The following RPS6KC1 variants were observed in gnomAD, a reference collection of about 807,000 sequenced individuals.
RPS6KC1 encodes the protein inactive ribosomal protein S6 kinase delta-1.
RPS6KC1 carries 54 observed loss-of-function variants against 103.8 expected under a neutral mutation model. That is an observed-to-expected ratio of 0.52 (90% CI 0.42 to 0.65). The LOEUF (loss-of-function observed/expected upper bound fraction) is 0.65. Among genes scored for constraint, RPS6KC1 ranks in the 30% least tolerant of loss-of-function variants. The pLI is 0.00. For missense variants in RPS6KC1, 1,151 were observed against 1,253.8 expected (o/e 0.92, Z 1.24); for synonymous variants, 439 against 438.7 (o/e 1.00, Z -0.01).
chr1:213,440,004 A>G, the RPS6KC1 span, among the ~76,000 whole-genome samples: 1 of 152,220 alleles, frequency 6.6e-6, no homozygotes, highest in Non-Finnish European at 1.5e-5. Flanking sequence ...TCTCCTGCCA[A>G]TGGTACATAG....
the RPS6KC1 span, among the ~76,000 whole-genome samples, chr1:213,768,068 C>G: frequency 1.3e-5 from 2 of 152,172 alleles, no homozygotes; most frequent in African/African-American, 2.4e-5. Context: ...GGGTATTTAT[C>G]TATATCACTG....
At chr1:213,106,148 A>G (rs925808518) in intron 4 of RPS6KC1, among the ~76,000 whole-genome samples, 2 of 152,176 alleles carry the variant, frequency 1.3e-5, no homozygotes, top group Admixed American at 6.5e-5. Context: ...TCTTAGAACT[A>G]TCTTTAACAG....
intron 5 of RPS6KC1, among the ~76,000 whole-genome samples, chr1:213,124,294 C>T (rs2084726978): frequency 6.6e-6 from 1 of 152,140 alleles, no homozygotes; most frequent in Admixed American, 6.6e-5. Flanking sequence ...TTGCGATGGC[C>T]CAGAGGGCCT....
intron 2 of RPS6KC1, 34 bp downstream of exon 2, chr1:213,071,075 T>A: frequency 7.6e-7 from 1 of 1,322,360 alleles, no homozygotes; most frequent in South Asian, 1.3e-5. Context: ...TTTTATGTAT[T>A]TGATAAAAAT....
chr1:213,105,278 G>A (rs1434701387), intron 4 of RPS6KC1, among the ~76,000 whole-genome samples: 2 of 146,202 alleles, frequency 1.4e-5, no homozygotes, highest in African/African-American at 5.0e-5. Context: ...AACTGTATCG[G>A]TATATGTTGT....
chr1:213,615,676 C>A, the RPS6KC1 span, among the ~76,000 whole-genome samples: 1 of 152,258 alleles, frequency 6.6e-6, no homozygotes, highest in Non-Finnish European at 1.5e-5. Flanking sequence ...GTGTGTTCCA[C>A]AGAACGCGCC....
the RPS6KC1 span, among the ~76,000 whole-genome samples, chr1:213,338,565 T>C: frequency 2.0e-5 from 3 of 152,216 alleles, no homozygotes; most frequent in Non-Finnish European, 2.9e-5. Context: ...TATCGACTAA[T>C]TGAAGAATTA....
At chr1:213,059,294 G>A (rs1202589314) in intron 1 of RPS6KC1, among the ~76,000 whole-genome samples, 7 of 152,114 alleles carry the variant, frequency 4.6e-5, no homozygotes, top group Non-Finnish European at 1.5e-5. Flanking sequence ...CTGCCAAAAG[G>A]CATAGTTTTA....
intron 6 of RPS6KC1, among the ~76,000 whole-genome samples, chr1:213,167,491 A>ACACACACAC (rs1558462702): frequency 4.2e-5 from 3 of 70,610 alleles, no homozygotes; most frequent in Admixed American, 3.2e-4. Context: ...CACACACACA[A>ACACACACAC]CAGCTGTTGC....
At chr1:213,536,481 T>C in the RPS6KC1 span, among the ~76,000 whole-genome samples, 1 of 152,138 alleles carries the variant, frequency 6.6e-6, no homozygotes, top group African/African-American at 2.4e-5. Context: ...CAGAGGTGTT[T>C]AGTTTGTGGT....
Position 213,176,454 on chromosome 1 carries a change from G to C in RPS6KC1, c.1006G>C (p.Glu336Gln). ...TTGGAACCTAAGGAGCCCTGCCGAG[G>C]AGCTGAAGGCCTTCAGAGTCCTTGG... ...PLWNLRSPAE[E>Q]LKAFRVLGVI... is the part of the protein sequence containing the mutation. The change falls in exon 8 of 15, where the codon GAG (glutamate) becomes CAG (glutamine). Residue 336 changes from glutamate (E) to glutamine (Q), a missense_variant. This residue lies in a region of RPS6KC1 where 959 missense variants were observed against 1,006.3 expected (regional missense o/e 0.95). Coordinates refer to ENST00000366960, the MANE Select transcript of RPS6KC1 (RefSeq NM_012424.6). The C allele has an allele frequency of 2.5e-6, 4 of 1,609,138 alleles. No individual in the cohort carries two copies. Among genetic ancestry groups the C allele is most frequent in the Non-Finnish European group, 3.4e-6 (4 of 1,176,324 alleles).
chr1:213,415,909 A>G, the RPS6KC1 span, among the ~76,000 whole-genome samples: 1 of 152,256 alleles, frequency 6.6e-6, no homozygotes, highest in African/African-American at 2.4e-5. Context: ...TGACATGCTC[A>G]TACTTGGCAA....
the RPS6KC1 span, among the ~76,000 whole-genome samples, chr1:213,823,726 CCACA>C: frequency 4.8e-5 from 7 of 146,384 alleles, 1 homozygote; most frequent in Admixed American, 6.8e-5. Context: ...GCTATCACAG[CCACA>C]CACACACACA....
chr1:213,777,082 A>C, the RPS6KC1 span, among the ~76,000 whole-genome samples: 1 of 151,926 alleles, frequency 6.6e-6, no homozygotes, highest in Non-Finnish European at 1.5e-5. Flanking sequence ...TCTGTGGACC[A>C]CTCGAAGTTT....
At chr1:213,124,214 C>T (rs1160675668) in intron 5 of RPS6KC1, among the ~76,000 whole-genome samples, 2 of 152,138 alleles carry the variant, frequency 1.3e-5, no homozygotes, top group Non-Finnish European at 2.9e-5. Context: ...ACTTTTTCCC[C>T]TTGTATCACT....
the RPS6KC1 span, among the ~76,000 whole-genome samples, chr1:213,735,960 G>A: frequency 3.3e-5 from 5 of 152,146 alleles, no homozygotes; most frequent in Non-Finnish European, 5.9e-5. Flanking sequence ...GCTTAAAGAG[G>A]AGGTGGCCCC....
chr1:213,250,886 C>T (rs762717144), intron 12 of RPS6KC1, among the ~76,000 whole-genome samples: 32 of 152,044 alleles, frequency 2.1e-4, no homozygotes, highest in Non-Finnish European at 3.5e-4. Flanking sequence ...AGTTGTCCTA[C>T]AATACATTTA....
chr1:213,363,844 G>T, the RPS6KC1 span, among the ~76,000 whole-genome samples: 1 of 125,658 alleles, frequency 8.0e-6, no homozygotes, highest in Admixed American at 9.0e-5. Context: ...TTCTGGTGGC[G>T]TGAGGAGATT....
the RPS6KC1 span, among the ~76,000 whole-genome samples, chr1:213,545,182 A>T: frequency 1.3e-5 from 2 of 152,046 alleles, no homozygotes; most frequent in Admixed American, 6.6e-5. Context: ...CCTGGCCATC[A>T]TGGCGAAAAC....
Sources: allele counts gnomAD v4.1 joint callset (sites outside exome capture counted in the v4.1 genomes callset), GRCh38; gene constraint gnomAD v4.1.1; regional missense constraint gnomAD v4.1.1; transcripts MANE v1.5; gene names NCBI Gene and HGNC (gene_info 2026-07-23, HGNC 2026-07-21).